TADA2A: variants seen among roughly 807,000 people sequenced by gnomAD.
The protein encoded by TADA2A is transcriptional adapter 2-alpha.
A neutral mutation model predicts 67.4 loss-of-function variants in TADA2A; 38 were observed. That is an observed-to-expected ratio of 0.56 (90% CI 0.44 to 0.74). The LOEUF (loss-of-function observed/expected upper bound fraction) is 0.74, where lower values mean the gene tolerates loss of function less well. TADA2A is among the 30% of genes least tolerant of loss of function. TADA2A has a pLI of 0.00. For missense variants in TADA2A, 454 were observed against 547.0 expected, an observed-to-expected ratio of 0.83 and a Z score of 1.70; for synonymous variants, 192 against 181.6, an observed-to-expected ratio of 1.06 and a Z score of -0.46.
At chr17:37,449,063 T>C (rs1046065724) in intron 8 of TADA2A, among the ~76,000 whole-genome samples, 1 of 151,990 alleles carries the variant, frequency 6.6e-6, no homozygotes. Context: ...CTCTATCGCC[T>C]AGGCTGGAGT....
intron 3 of TADA2A, among the ~76,000 whole-genome samples, chr17:37,424,118 A>G (rs191381381): frequency 6.6e-6 from 1 of 152,150 alleles, no homozygotes; most frequent in African/African-American, 2.4e-5. Context: ...CAGACTGTTG[A>G]TTAGTCCACA....
intron 9 of TADA2A, among the ~76,000 whole-genome samples, 171 bp downstream of exon 9, chr17:37,458,758 C>G (rs2053469725): frequency 6.6e-6 from 1 of 151,860 alleles, no homozygotes; most frequent in African/African-American, 2.4e-5. Context: ...CTCACTGCAG[C>G]CTCAACCTCT....
chr17:37,459,838 G>A (rs1382263858), intron 9 of TADA2A, among the ~76,000 whole-genome samples: 1 of 151,774 alleles, frequency 6.6e-6, no homozygotes, highest in Non-Finnish European at 1.5e-5. Flanking sequence ...GGCCGAGGCT[G>A]GTGGATCACC....
chr17:37,414,895 TC>T (rs1428674254), intron 2 of TADA2A, among the ~76,000 whole-genome samples: 3 of 55,268 alleles, frequency 5.4e-5, no homozygotes, highest in South Asian at 1.4e-3. Context: ...TTTTCTTTTC[TC>T]TTTTTTTTTT....
At chr17:37,447,709 G>C (rs1217111498) in intron 8 of TADA2A, among the ~76,000 whole-genome samples, 1 of 152,220 alleles carries the variant, frequency 6.6e-6, no homozygotes, top group African/African-American at 2.4e-5. Flanking sequence ...TTTGTTTACA[G>C]CTCTGAGTCT....
rs2053925503 is a variant in TADA2A, at chr17:37,478,070, A to G, written c.*1088A>G. 1 of 151,188 alleles carries G rather than the reference A, an allele frequency of 6.6e-6. No individual in the cohort carries two copies. The highest frequency in any genetic ancestry group is 6.6e-5 in the Admixed American group (1 of 15,132). The allele number at this position is 151,188 out of a possible 1,614,324, so 9.4% of individuals were successfully genotyped here. On this transcript the variant is annotated 3_prime_UTR_variant, in exon 16 of 16. Transcript: ENST00000615182. ...GAGGCAGAGGTTGCAGCGAGCTGAGATCACGCCACTGTGCTCCAGCCTGGG... is the reference window on the plus strand; with the variant it reads ...GAGGCAGAGGTTGCAGCGAGCTGAGGTCACGCCACTGTGCTCCAGCCTGGG...
chr17:37,454,653 T>C, intron 8 of TADA2A: 1 of 257,294 alleles, frequency 3.9e-6, no homozygotes, highest in South Asian at 5.2e-5. Context: ...GAAGAAAGCA[T>C]AAAAAAGGGA....
chr17:37,441,310 GT>G (rs1002158314), intron 6 of TADA2A, among the ~76,000 whole-genome samples: 64 of 152,078 alleles, frequency 4.2e-4, no homozygotes, highest in Non-Finnish European at 5.6e-4. Flanking sequence ...ATGAGTGCAA[GT>G]TTTTTTTCAA....
intron 7 of TADA2A, among the ~76,000 whole-genome samples, chr17:37,443,023 G>A (rs916526506): frequency 6.6e-6 from 1 of 152,060 alleles, no homozygotes; most frequent in African/African-American, 2.4e-5. Flanking sequence ...TTAGCTGGGT[G>A]TGGTGGTGCA....
intron 12 of TADA2A, among the ~76,000 whole-genome samples, chr17:37,468,917 T>C (rs186134061): frequency 3.9e-5 from 6 of 152,186 alleles, no homozygotes; most frequent in Non-Finnish European, 8.8e-5. Flanking sequence ...TTTTTTTTAT[T>C]TGAGACGGAG....
rs899175291 is a variant in TADA2A, at chr17:37,475,622, C to T, written c.1146+993C>T. On this transcript the variant is annotated intron_variant, in intron 15 of 15. Coordinates refer to ENST00000615182, the MANE Select transcript of TADA2A (RefSeq NM_001166105.3). ...CTGGGACTACAGGCGCATACCACCA[C>T]ACCCGGCTAATTTTTGTATTTTTAG... Among the ~76,000 whole-genome samples, 8 of 152,100 alleles carry T rather than the reference C, an allele frequency of 5.3e-5. No homozygotes were observed. In the South Asian group the frequency reaches 8.3e-4, roughly 16 times the overall value.
intron 9 of TADA2A, among the ~76,000 whole-genome samples, chr17:37,459,808 G>A (rs2053501982): frequency 6.7e-6 from 1 of 149,792 alleles, no homozygotes; most frequent in South Asian, 2.3e-4. Context: ...GCTCACACCT[G>A]TAATCCCAGC....
chr17:37,429,502 G>A (rs1320966863), intron 4 of TADA2A, among the ~76,000 whole-genome samples: 2 of 151,428 alleles, frequency 1.3e-5, no homozygotes, highest in Non-Finnish European at 2.9e-5. Context: ...GGCAGGTCTC[G>A]AACTCAGGGG....
Position 37,411,302 on chromosome 17 carries a change from G to A in TADA2A, c.-64G>A. The stretch of plus-strand genomic sequence containing the variant: ...CAAGCTTTGGTGTATGTGTTGGCCG[G>A]TTCTGAAGTCTTGAAGAAGCTCTGC... On this transcript the variant is annotated 5_prime_UTR_variant, in exon 2 of 16. Transcript: ENST00000615182. 3.8e-6 allele frequency: 6 copies of A among 1,559,358 alleles called. No homozygotes were observed. The highest frequency in any genetic ancestry group is 5.3e-6 in the Non-Finnish European group (6 of 1,130,752).
intron 2 of TADA2A, among the ~76,000 whole-genome samples, chr17:37,413,611 A>G (rs547996754): frequency 4.6e-5 from 7 of 152,056 alleles, no homozygotes; most frequent in African/African-American, 1.7e-4. Flanking sequence ...CAGTGACACA[A>G]TCATAGCCCA....
chr17:37,458,639 G>A, intron 9 of TADA2A, 52 bp downstream of exon 9: 3 of 197,176 alleles, frequency 1.5e-5, no homozygotes, highest in Non-Finnish European at 2.0e-5. Flanking sequence ...TTATTGTTTT[G>A]TGTGTGTGTG....
chr17:37,467,265 AG>A (rs2053685261), intron 11 of TADA2A, among the ~76,000 whole-genome samples, 188 bp from the exon 12 acceptor site: 1 of 152,262 alleles, frequency 6.6e-6, no homozygotes, highest in Non-Finnish European at 1.5e-5. Flanking sequence ...GCTGGAAGAT[AG>A]CTGGAGTAGG....
chr17:37,423,752 CTT>C (rs10706906), intron 3 of TADA2A, 137 bp downstream of exon 3: 54,743 of 464,504 alleles, frequency 0.12, 483 homozygotes, highest in East Asian at 0.2. Flanking sequence ...CTTTTTCTTT[CTT>C]TTTTTTTTTT....
intron 10 of TADA2A, among the ~76,000 whole-genome samples, chr17:37,462,678 A>T (rs2053574915): frequency 6.6e-6 from 1 of 152,168 alleles, no homozygotes; most frequent in African/African-American, 2.4e-5. Context: ...ATTAATTTGT[A>T]GTCAATAAAA....
Sources: allele counts gnomAD v4.1 joint callset (sites outside exome capture counted in the v4.1 genomes callset), GRCh38; gene constraint gnomAD v4.1.1; transcripts MANE v1.5; gene names NCBI Gene and HGNC (gene_info 2026-07-23, HGNC 2026-07-21).